ERAP2: variants seen among roughly 807,000 people sequenced by gnomAD.
The protein encoded by ERAP2 is leukocyte-derived arginine aminopeptidase.
ERAP2 carries 118 observed loss-of-function variants against 111.1 expected under a neutral mutation model. The observed-to-expected ratio is 1.06, with a 90% CI of 0.92 to 1.24. The LOEUF is 1.24. Among genes scored for constraint, ERAP2 ranks in the 50% most tolerant of loss-of-function variants. The pLI, the probability that ERAP2 is intolerant of heterozygous loss-of-function variation, is 0.00. For synonymous variants in ERAP2, 410 were observed against 401.2 expected (o/e 1.02, Z -0.26); for missense variants, 1,131 against 1,125.8 (o/e 1.00, Z -0.07).
chr5:96,896,887 T>C (rs1175969824), intron 9 of ERAP2, 24 bp downstream of exon 9: 2 of 1,550,706 alleles, frequency 1.3e-6, no homozygotes, highest in Admixed American at 2.3e-5. Context: ...TGGGTAACGA[T>C]AGACTGTTAT....
intron 11 of ERAP2, 89 bp downstream of exon 11, chr5:96,901,770 T>C: frequency 7.6e-7 from 1 of 1,317,810 alleles, no homozygotes; most frequent in Non-Finnish European, 1.0e-6. Context: ...CTGGCAACTT[T>C]GTAGGATGCT....
intron 5 of ERAP2, 129 bp from the exon 6 acceptor site, chr5:96,892,170 A>G (rs1004071858): frequency 2.3e-6 from 2 of 859,190 alleles, no homozygotes; most frequent in East Asian, 2.5e-5. Flanking sequence ...CAATGTTAAG[A>G]TATTCTTGAT....
chr5:96,880,105 G>C lies in ERAP2; in HGVS notation c.420G>C (p.Leu140Phe), dbSNP rs1388819494. 1.1e-5 allele frequency: 17 copies of C among 1,614,130 alleles called. No individual in the cohort carries two copies. The highest frequency in any genetic ancestry group is 1.4e-5 in the Non-Finnish European group (16 of 1,179,998). Residue 140 changes from leucine (L) to phenylalanine (F), a missense_variant, in exon 2 of 19, where the codon TTG (leucine) becomes TTC (phenylalanine). Transcript: ENST00000437043. ...YMKPGKELKV[L>F]SYPAHEQIAL... ...AACCAGGAAAAGAACTGAAAGTTTT[G>C]AGTTACCCTGCTCATGAACAAATTG...
At chr5:96,895,205 A>C in intron 6 of ERAP2, 41 bp from the exon 7 acceptor site, 2 of 1,223,734 alleles carry the variant, frequency 1.6e-6, no homozygotes, top group Non-Finnish European at 2.3e-6. Context: ...AATAATTTTT[A>C]TTTGTTTAAC....
In ERAP2 at chr5:96,902,631, C is replaced by A. The variant is rs1785599829; in HGVS notation, c.1828+278C>A. 7.6e-6 allele frequency: 2 copies of A among 262,510 alleles called. 1 individual carries two copies. The highest frequency in any genetic ancestry group is 1.7e-4 in the East Asian group (2 of 11,830). The allele number at this position is 262,510 out of a possible 1,614,324, so 16.3% of individuals were successfully genotyped here. ...CTTATGTCTTATAATACCCACTAAT[C>A]TATTTTTACAGGTTATGGATAAGGC... On this transcript the variant is annotated intron_variant, in intron 12 of 18. Coordinates refer to ENST00000437043, the MANE Select transcript of ERAP2 (RefSeq NM_022350.5).
chr5:96,889,041 T>C, intron 4 of ERAP2, 144 bp from the exon 5 acceptor site: 1 of 967,796 alleles, frequency 1.0e-6, no homozygotes, highest in East Asian at 2.6e-5. Flanking sequence ...CAGAACCTCT[T>C]ATCCTTATTG....
rs185288035 is a variant in ERAP2, at chr5:96,898,393, A to G, written c.1503+1530A>G. ...AATTATTTCACAGCTCCTATTTTTT[A>G]CTTGCATTTCTTGAAAATCCTGAGA... On this transcript the variant is annotated intron_variant, in intron 9 of 18. Transcript: ENST00000437043. Among the ~76,000 whole-genome samples the G allele has an allele frequency of 3.4e-3, 499 of 148,036 alleles. 1 individual carries two copies. The highest frequency in any genetic ancestry group is 0.011 in the African/African-American group (452 of 41,402).
intron 2 of ERAP2, 142 bp from the exon 3 acceptor site, chr5:96,883,650 A>G (rs1783399590): frequency 1.3e-6 from 1 of 789,104 alleles, no homozygotes. Flanking sequence ...CCTCAAAGAG[A>G]CAGTTGAGAT....
chr5:96,889,056 C>T, intron 4 of ERAP2, 129 bp from the exon 5 acceptor site: 1 of 1,115,526 alleles, frequency 9.0e-7, no homozygotes, highest in South Asian at 1.6e-5. Flanking sequence ...TTATTGACAA[C>T]ATGCTTAATG....
intron 5 of ERAP2, among the ~76,000 whole-genome samples, chr5:96,891,991 A>C (rs2151149400): frequency 1.3e-5 from 2 of 152,324 alleles, no homozygotes; most frequent in East Asian, 3.9e-4. Context: ...GTTTTAAATA[A>C]ATTATTTTCT....
Position 96,911,986 on chromosome 5 carries a change from G to A in ERAP2, c.2355-651G>A, listed in dbSNP as rs138780002. Reference sequence around the variant, plus strand: ...GGGCGGATCACGAGGTCAGGAAATCGAGACCATCCTGGCTAACACGGTGTA... The same window carrying A: ...GGGCGGATCACGAGGTCAGGAAATCAAGACCATCCTGGCTAACACGGTGTA... On this transcript the variant is annotated intron_variant, in intron 15 of 18. Transcript: ENST00000437043. 8.4e-3 allele frequency among the ~76,000 whole-genome samples: 1,272 copies of A among 151,014 alleles called. 15 individuals are homozygous for A. The highest frequency in any genetic ancestry group is 0.029 in the African/African-American group (1,209 of 41,248).
intron 13 of ERAP2, among the ~76,000 whole-genome samples, chr5:96,904,179 C>A (rs1168565306): frequency 6.6e-6 from 1 of 152,132 alleles, no homozygotes; most frequent in African/African-American, 2.4e-5. Context: ...TGTTTGCATT[C>A]ATTCCTCTCT....
intron 6 of ERAP2, among the ~76,000 whole-genome samples, chr5:96,893,901 G>T (rs923670601): frequency 6.6e-6 from 1 of 152,090 alleles, no homozygotes; most frequent in African/African-American, 2.4e-5. Flanking sequence ...TTCTGAACAT[G>T]CCAGGTTGTA....
chr5:96,913,253 C>A, intron 16 of ERAP2, 64 bp from the exon 17 acceptor site: 1 of 1,313,288 alleles, frequency 7.6e-7, no homozygotes, highest in Non-Finnish European at 1.1e-6. Flanking sequence ...ATATTGGTGG[C>A]TTGAGTTAAT....
intron 9 of ERAP2, among the ~76,000 whole-genome samples, chr5:96,898,572 C>CAAAAAAAAA (rs770783071): frequency 1.9e-4 from 18 of 94,410 alleles, no homozygotes; most frequent in Non-Finnish European, 2.7e-4. Flanking sequence ...TACTAAAATA[C>CAAAAAAAAA]AAAAAAAAAA....
At chr5:96,887,115 AC>A (rs1783832245) in intron 4 of ERAP2, among the ~76,000 whole-genome samples, 2 of 149,462 alleles carry the variant, frequency 1.3e-5, no homozygotes, top group Non-Finnish European at 3.0e-5. Context: ...ACACACACAC[AC>A]ACACACACAC....
chr5:96,901,636 A>G lies in ERAP2; in HGVS notation c.1703A>G (p.Gln568Arg), dbSNP rs1217005609. The change falls in exon 11 of 19, where the codon CAG (glutamine) becomes CGG (arginine). Residue 568 changes from glutamine (Q) to arginine (R), a missense_variant. By Grantham distance (43) the Gln-to-Arg change is conservative (BLOSUM62 1). This residue lies in a region of ERAP2 where 847 missense variants were observed against 856.5 expected (regional missense o/e 0.99). Coordinates refer to ENST00000437043, the MANE Select transcript of ERAP2 (RefSeq NM_022350.5). ...CGACTGCAACAGGAGCGCTTCCTCC[A>G]GGGGGTTTTCCAGGAAGACCCTGAA... Reference protein sequence around the residue: ...SLRLQQERFLQGVFQEDPEWR... With the variant: ...SLRLQQERFLRGVFQEDPEWR... The G allele has an allele frequency of 3.7e-6, 6 of 1,614,054 alleles. No individual in the cohort carries two copies. Among genetic ancestry groups the G allele is most frequent in the East Asian group, 2.2e-5 (1 of 44,886 alleles).
rs1484535546 is a variant in ERAP2, at chr5:96,918,450, A to G, written c.*845A>G. 1 of 152,238 alleles carries G rather than the reference A, an allele frequency of 6.6e-6. No individual in the cohort carries two copies. Among genetic ancestry groups the G allele is most frequent in the East Asian group, 1.9e-4 (1 of 5,204 alleles). The allele number at this position is 152,238 out of a possible 1,614,324, so 9.4% of individuals were successfully genotyped here. ...TATTAGAAACTAGGTGTCAGGGTTT[A>G]TCAAGAAGGCCAGGAAGGCCTTTTG... On this transcript the variant is annotated 3_prime_UTR_variant, in exon 19 of 19. Coordinates refer to ENST00000437043, the MANE Select transcript of ERAP2 (RefSeq NM_022350.5).
At chr5:96,882,624 A>T (rs1166754265) in intron 2 of ERAP2, among the ~76,000 whole-genome samples, 1 of 152,226 alleles carries the variant, frequency 6.6e-6, no homozygotes, top group East Asian at 1.9e-4. Flanking sequence ...ACAAAGATTC[A>T]GGTTTTTTTG....
Sources: gnomAD v4.1 joint callset for allele counts (sites outside exome capture counted in the v4.1 genomes callset) on GRCh38, gnomAD v4.1.1 for gene constraint, gnomAD v4.1.1 regional missense constraint, MANE v1.5 for transcripts, NCBI Gene and HGNC (gene_info 2026-07-23, HGNC 2026-07-21) for gene names.